The following RIC8B variants were observed in gnomAD, a reference collection of about 807,000 sequenced individuals.
The protein encoded by RIC8B is chaperone Ric-8B.
A neutral mutation model predicts 57.5 loss-of-function variants in RIC8B; 16 were observed. The ratio of observed to expected loss-of-function variants is 0.28; its 90% CI spans 0.19 to 0.42. The LOEUF is 0.42. RIC8B is among the 10% of genes least tolerant of loss of function. RIC8B has a pLI of 1.00. For synonymous variants in RIC8B, 216 were observed against 250.8 expected, an observed-to-expected ratio of 0.86 and a Z score of 1.31; for missense variants, 481 against 677.0, an observed-to-expected ratio of 0.71 and a Z score of 3.21.
intron 3 of RIC8B, among the ~76,000 whole-genome samples, chr12:106,818,050 C>CTT (rs2136298158): frequency 6.6e-6 from 1 of 152,230 alleles, no homozygotes; most frequent in African/African-American, 2.4e-5. Flanking sequence ...TTAAAATAAA[C>CTT]ATTTTTTTCC....
chr12:106,819,060 C>T (rs2045718168), intron 3 of RIC8B, among the ~76,000 whole-genome samples: 1 of 152,162 alleles, frequency 6.6e-6, no homozygotes, highest in South Asian at 2.1e-4. Context: ...CCACTGCGCC[C>T]AGCTGGAGTA....
At chr12:106,823,858 GTATTTT>G (rs2136322759) in intron 3 of RIC8B, among the ~76,000 whole-genome samples, 1 of 152,006 alleles carries the variant, frequency 6.6e-6, no homozygotes, top group South Asian at 2.1e-4. Context: ...GCTAATTTTT[GTATTTT>G]TAGTAGAGAC....
chr12:106,836,220 A>G (rs2136385416), intron 4 of RIC8B, among the ~76,000 whole-genome samples: 1 of 152,340 alleles, frequency 6.6e-6, no homozygotes, highest in African/African-American at 2.4e-5. Context: ...CAGCCTCTGA[A>G]TGATTGATCG....
At chr12:106,863,615 CTT>C (rs1950025614) in intron 8 of RIC8B, among the ~76,000 whole-genome samples, 1 of 151,980 alleles carries the variant, frequency 6.6e-6, no homozygotes, top group African/African-American at 2.4e-5. Flanking sequence ...AGATTTTTCT[CTT>C]TGCCCAATTT....
intron 9 of RIC8B, among the ~76,000 whole-genome samples, chr12:106,884,626 A>G (rs531744082): frequency 1.3e-5 from 2 of 152,280 alleles, no homozygotes; most frequent in East Asian, 1.9e-4. Context: ...AGGAGCCTCA[A>G]TTTAGCCTGT....
intron 8 of RIC8B, among the ~76,000 whole-genome samples, chr12:106,866,236 C>T (rs148524646): frequency 6.3e-4 from 96 of 152,248 alleles, no homozygotes; most frequent in African/African-American, 2.0e-3. Flanking sequence ...GCCCAGCACA[C>T]AGTAGGCAGT....
intron 1 of RIC8B, among the ~76,000 whole-genome samples, chr12:106,782,672 T>A (rs1294820417): frequency 6.6e-6 from 1 of 151,990 alleles, no homozygotes; most frequent in African/African-American, 2.4e-5. Context: ...AAATGGCCAC[T>A]CTCTCCTACC....
intron 7 of RIC8B, among the ~76,000 whole-genome samples, chr12:106,853,651 T>A (rs1949588085): frequency 6.6e-6 from 1 of 151,690 alleles, no homozygotes; most frequent in Admixed American, 6.6e-5. Flanking sequence ...GTATTTTTAG[T>A]AGAGATGGGG....
At chr12:106,819,281 T>C (rs2045728801) in intron 3 of RIC8B, among the ~76,000 whole-genome samples, 1 of 152,182 alleles carries the variant, frequency 6.6e-6, no homozygotes, top group East Asian at 1.9e-4. Context: ...TCCCTCTCAC[T>C]TTAAATAAAG....
intron 4 of RIC8B, among the ~76,000 whole-genome samples, chr12:106,829,984 G>A (rs1038548891): frequency 6.6e-6 from 1 of 152,086 alleles, no homozygotes; most frequent in Non-Finnish European, 1.5e-5. Context: ...CCAAACCTTT[G>A]AATATATATA....
At chr12:106,874,641 C>A in intron 9 of RIC8B, 1 of 1,133,516 alleles carries the variant, frequency 8.8e-7, no homozygotes, top group Non-Finnish European at 1.3e-6. Context: ...ATTGTAAAAC[C>A]ACCAATGTAA....
At chr12:106,846,169 G>A (rs1579808) in intron 6 of RIC8B, among the ~76,000 whole-genome samples, 60,647 of 151,900 alleles carry the variant, frequency 0.4, 12,486 homozygotes, top group African/African-American at 0.5. Context: ...GACTTATACA[G>A]TGAACTGCCG....
At chr12:106,819,734 A>AG (rs1489088362) in intron 3 of RIC8B, among the ~76,000 whole-genome samples, 1 of 141,542 alleles carries the variant, frequency 7.1e-6, no homozygotes, top group South Asian at 2.3e-4. Flanking sequence ...ACAGCGTCTC[A>AG]GGAAAAAAAA....
chr12:106,811,365 A>G (rs2045327022), intron 2 of RIC8B, among the ~76,000 whole-genome samples: 1 of 152,252 alleles, frequency 6.6e-6, no homozygotes, highest in African/African-American at 2.4e-5. Context: ...CAGCAGTAGC[A>G]TCAACTAGGA....
intron 3 of RIC8B, among the ~76,000 whole-genome samples, chr12:106,817,296 C>T (rs2045615464): frequency 6.6e-6 from 1 of 152,112 alleles, no homozygotes; most frequent in African/African-American, 2.4e-5. Context: ...ATATATAATT[C>T]AAATTCCGTT....
At chr12:106,818,993 C>T (rs987342145) in intron 3 of RIC8B, among the ~76,000 whole-genome samples, 23 of 152,100 alleles carry the variant, frequency 1.5e-4, no homozygotes, top group Non-Finnish European at 2.8e-4. Context: ...CTCGAACTCC[C>T]GACCTCAGTG....
At chr12:106,856,675 T>C (rs1232013455) in intron 7 of RIC8B, among the ~76,000 whole-genome samples, 1 of 152,198 alleles carries the variant, frequency 6.6e-6, no homozygotes, top group Non-Finnish European at 1.5e-5. Flanking sequence ...TGTAACTCTT[T>C]ATTTGTTGAA....
chr12:106,881,029 A>G (rs1482179510), intron 9 of RIC8B, among the ~76,000 whole-genome samples: 2 of 152,228 alleles, frequency 1.3e-5, no homozygotes, highest in African/African-American at 2.4e-5. Context: ...GATAATATCA[A>G]GTACAACTAA....
At chr12:106,779,320 C>T (rs1021074614) in intron 1 of RIC8B, among the ~76,000 whole-genome samples, 2 of 151,970 alleles carry the variant, frequency 1.3e-5, no homozygotes, top group African/African-American at 4.8e-5. Context: ...CAGCCTCCGC[C>T]TCCCAGGTTC....
Sources: gnomAD v4.1 joint callset for allele counts (sites outside exome capture counted in the v4.1 genomes callset) on GRCh38, gnomAD v4.1.1 for gene constraint, MANE v1.5 for transcripts, NCBI Gene and HGNC (gene_info 2026-07-23, HGNC 2026-07-21) for gene names.